Variants in LRP2 observed in about 807,000 individuals in gnomAD.
LRP2 encodes the protein low-density lipoprotein receptor-related protein 2.
LRP2 carries 172 observed loss-of-function variants against 531.0 expected under a neutral mutation model. The ratio of observed to expected loss-of-function variants is 0.32; its 90% CI spans 0.29 to 0.37. The LOEUF (loss-of-function observed/expected upper bound fraction) is 0.37. Among genes scored for constraint, LRP2 ranks in the 10% least tolerant of loss-of-function variants. LRP2 has a pLI of 1.00. For missense variants in LRP2, 5,167 were observed against 5,868.3 expected, an observed-to-expected ratio of 0.88 and a Z score of 3.90; for synonymous variants, 1,992 against 2,027.6, an observed-to-expected ratio of 0.98 and a Z score of 0.47.
At chr2:169,278,276 A>C (rs937352842) in intron 12 of LRP2, among the ~76,000 whole-genome samples, 8 of 152,034 alleles carry the variant, frequency 5.3e-5, no homozygotes, top group Non-Finnish European at 1.0e-4. Flanking sequence ...CTTGAGGCCC[A>C]TGTTTCAAGA....
At chr2:169,157,953 T>TAAA (rs1233711848) in intron 63 of LRP2, among the ~76,000 whole-genome samples, 3 of 145,976 alleles carry the variant, frequency 2.1e-5, no homozygotes, top group East Asian at 6.1e-4. Flanking sequence ...AATAAATAAA[T>TAAA]AAATAAAAGA....
At chr2:169,298,823 A>G (rs925222507) in intron 4 of LRP2, among the ~76,000 whole-genome samples, 2 of 151,804 alleles carry the variant, frequency 1.3e-5, no homozygotes, top group Non-Finnish European at 2.9e-5. Context: ...ATACCAAAAA[A>G]CAGGCCATAA....
chr2:169,137,615 G>C, intron 75 of LRP2, 122 bp from the exon 76 acceptor site: 1 of 545,628 alleles, frequency 1.8e-6, no homozygotes, highest in East Asian at 3.9e-5. Context: ...GGTACGCTAG[G>C]TGCTACGTCA....
At chr2:169,272,230 C>T (rs899084944) in intron 15 of LRP2, among the ~76,000 whole-genome samples, 4 of 152,024 alleles carry the variant, frequency 2.6e-5, no homozygotes, top group African/African-American at 9.7e-5. Flanking sequence ...TGTAGGAGTG[C>T]ATTTCATCAT....
At chr2:169,292,180 A>T in intron 7 of LRP2, 73 bp downstream of exon 7, 1 of 1,166,796 alleles carries the variant, frequency 8.6e-7, no homozygotes, top group South Asian at 1.2e-5. Context: ...TCTAAAAAGG[A>T]AAGGAGAAAA....
rs1442268433 is a variant in LRP2, at chr2:169,216,428, T to G, written c.5651A>C (p.Lys1884Thr). 1.2e-6 allele frequency: 2 copies of G among 1,613,238 alleles called. No individual in the cohort carries two copies. Among genetic ancestry groups the G allele is most frequent in the African/African-American group, 2.7e-5 (2 of 74,862 alleles). Residue 1884 changes from lysine (K) to threonine (T), a missense_variant and splice_region_variant, in exon 35 of 79, where the codon AAG becomes ACG. This residue lies in a region of LRP2 where 2,811 missense variants were observed against 3,058.0 expected (regional missense o/e 0.92). Transcript: ENST00000649046. Reference sequence around the variant, plus strand: ...AGTTCCTTGGTCTGACCAGTACAGCTTCCTACAACCATGAAAAACACCAGC... The same window carrying G: ...AGTTCCTTGGTCTGACCAGTACAGCGTCCTACAACCATGAAAAACACCAGC... ...IGITVDPARG[K>T]LYWSDQGTDS...
intron 3 of LRP2, among the ~76,000 whole-genome samples, chr2:169,316,939 A>C (rs921536844): frequency 2.6e-5 from 4 of 152,156 alleles, no homozygotes; most frequent in African/African-American, 9.7e-5. Context: ...TGGTCTCCAG[A>C]GTCAAGTGCA....
intron 1 of LRP2, among the ~76,000 whole-genome samples, chr2:169,338,332 CAG>C (rs1293197035): frequency 1.0e-4 from 10 of 96,736 alleles, no homozygotes; most frequent in Non-Finnish European, 2.1e-5. Context: ...GTAAGAGAGA[CAG>C]AGAAAGAAAG....
chr2:169,216,009 C>T (rs909836222), intron 35 of LRP2, among the ~76,000 whole-genome samples: 4 of 151,468 alleles, frequency 2.6e-5, no homozygotes, highest in African/African-American at 9.7e-5. Context: ...GAAAAAAAAA[C>T]GTTGGTGGGG....
intron 1 of LRP2, among the ~76,000 whole-genome samples, chr2:169,331,289 TAC>T (rs1276402759): frequency 6.6e-6 from 1 of 152,212 alleles, no homozygotes; most frequent in Non-Finnish European, 1.5e-5. Flanking sequence ...CCCAACTGCA[TAC>T]ATTCACAAAA....
rs1484573775 is a variant in LRP2, at chr2:169,196,096, G to A, written c.8698+815C>T. ...AAAGGCAGTATGAAGACAAGGACGA[G>A]CAAACTTTTTAACTAGATAGTAAAT... On this transcript the variant is annotated intron_variant, in intron 46 of 78. Transcript: ENST00000649046. Among the ~76,000 whole-genome samples the A allele has an allele frequency of 2.0e-5, 3 of 152,226 alleles. No homozygotes were observed. The East Asian group carries it at 5.8e-4, about 29-fold the overall frequency.
At chr2:169,219,423 T>C (rs1024353329) in intron 34 of LRP2, among the ~76,000 whole-genome samples, 1 of 152,148 alleles carries the variant, frequency 6.6e-6, no homozygotes, top group South Asian at 2.1e-4. Flanking sequence ...CAGAATGAAA[T>C]AGCCAATCAA....
At chr2:169,320,332 G>A (rs1684875375) in intron 2 of LRP2, among the ~76,000 whole-genome samples, 2 of 152,144 alleles carry the variant, frequency 1.3e-5, no homozygotes, top group Middle Eastern at 3.4e-3. Context: ...TTTCTTTATG[G>A]TAATTGACAC....
chr2:169,247,431 C>T lies in LRP2; in HGVS notation c.2855G>A (p.Ser952Asn). Reference sequence around the variant, plus strand: ...CAAATGCAGTATGTAAGCAATGCCACTTCGGATAACTGTCATTTCTCCACC... The same window carrying T: ...CAAATGCAGTATGTAAGCAATGCCATTTCGGATAACTGTCATTTCTCCACC... ...ADGGEMTVIR[S>N]GIAYILHLKS... Residue 952 changes from serine to asparagine, a missense_variant, in exon 20 of 79, where the codon AGT (serine) becomes AAT (asparagine). Physicochemically the swap from Ser to Asn is conservative, Grantham distance 46. Transcript: ENST00000649046. The T allele has an allele frequency of 6.2e-7, 1 of 1,614,084 alleles. No homozygotes were observed. The highest frequency in any genetic ancestry group is 8.5e-7 in the Non-Finnish European group (1 of 1,179,936).
intron 16 of LRP2, among the ~76,000 whole-genome samples, chr2:169,264,266 A>T (rs962587228): frequency 7.2e-5 from 11 of 151,754 alleles, no homozygotes; most frequent in South Asian, 2.1e-4. Flanking sequence ...AAATAAAAAT[A>T]AAAAAATTAA....
intron 15 of LRP2, among the ~76,000 whole-genome samples, chr2:169,272,255 G>A (rs1389490380): frequency 2.0e-5 from 3 of 152,096 alleles, no homozygotes; most frequent in African/African-American, 4.8e-5. Flanking sequence ...TGGGGCCCAG[G>A]CGATGGCTTA....
intron 62 of LRP2, among the ~76,000 whole-genome samples, chr2:169,164,874 G>A (rs764591275): frequency 6.6e-6 from 1 of 152,116 alleles, no homozygotes; most frequent in African/African-American, 2.4e-5. Context: ...TTAAAAAATG[G>A]CATTTTTAGC....
rs2105278771 is a variant in LRP2 at position 169,172,120 on chromosome 2, G to A, written c.11158C>T (p.His3720Tyr). Residue 3720 changes from histidine (H) to tyrosine (Y), a missense_variant, in exon 58 of 79, where the codon CAT becomes TAT. Transcript: ENST00000649046. ...DEQGCEERTC[H>Y]PVGDFRCKNH... Reference sequence around the variant, plus strand: ...TTACAGCGGAAATCCCCCACAGGATGGCATGTCCTCTCCTCTGCAAAGCAG... The same window carrying A: ...TTACAGCGGAAATCCCCCACAGGATAGCATGTCCTCTCCTCTGCAAAGCAG... 1 of 1,614,130 alleles carries A rather than the reference G, an allele frequency of 6.2e-7. No homozygotes were observed. Among genetic ancestry groups the A allele is most frequent in the Non-Finnish European group, 8.5e-7 (1 of 1,180,010 alleles).
chr2:169,193,647 G>A, intron 47 of LRP2, 114 bp downstream of exon 47: 1 of 1,263,918 alleles, frequency 7.9e-7, no homozygotes, highest in Non-Finnish European at 1.2e-6. Context: ...CATTCTATCA[G>A]TGTCCATTCA....
Sources: gnomAD v4.1 joint callset for allele counts (sites outside exome capture counted in the v4.1 genomes callset) on GRCh38, gnomAD v4.1.1 for gene constraint, gnomAD v4.1.1 regional missense constraint, MANE v1.5 for transcripts, NCBI Gene and HGNC (gene_info 2026-07-23, HGNC 2026-07-21) for gene names.